ZBTB20: variants seen among roughly 807,000 people sequenced by gnomAD.
The protein encoded by ZBTB20 is zinc finger and BTB domain containing 20, also known as zinc finger and BTB domain-containing protein 20.
In ZBTB20, 9 loss-of-function variants were observed where a neutral mutation model predicts 56.9. That is an observed-to-expected ratio of 0.16 (90% CI 0.10 to 0.28). The LOEUF (loss-of-function observed/expected upper bound fraction) is 0.28, where lower values mean the gene tolerates loss of function less well. ZBTB20 is among the 10% of genes least tolerant of loss of function. The pLI is 1.00. For missense variants in ZBTB20, 655 were observed against 1,003.0 expected, an observed-to-expected ratio of 0.65 and a Z score of 4.69; for synonymous variants, 417 against 420.7, an observed-to-expected ratio of 0.99 and a Z score of 0.11.
intron 2 of ZBTB20, among the ~76,000 whole-genome samples, chr3:114,989,402 A>G (rs1236940268): frequency 1.3e-5 from 2 of 152,174 alleles, no homozygotes; most frequent in Admixed American, 6.5e-5. Flanking sequence ...GTCAAATATC[A>G]GATGGTTGTA....
chr3:114,970,370 G>A (rs1172449754), intron 3 of ZBTB20, among the ~76,000 whole-genome samples: 1 of 152,106 alleles, frequency 6.6e-6, no homozygotes, highest in African/African-American at 2.4e-5. Flanking sequence ...ATCACTAAAG[G>A]ATACAGAAAG....
chr3:114,787,334 TATATA>T (rs1352210292), intron 5 of ZBTB20, among the ~76,000 whole-genome samples: 6 of 1,868 alleles, frequency 3.2e-3, no homozygotes, highest in Non-Finnish European at 0.032. Context: ...TAAAAGGTTA[TATATA>T]TATATATATA....
At chr3:114,684,335 GA>G (rs1193614266) in intron 6 of ZBTB20, among the ~76,000 whole-genome samples, 1 of 152,106 alleles carries the variant, frequency 6.6e-6, no homozygotes, top group East Asian at 1.9e-4. Context: ...GGGGCCTATT[GA>G]AAATTTTTCT....
intron 7 of ZBTB20, among the ~76,000 whole-genome samples, chr3:114,475,169 G>A (rs914851587): frequency 7.9e-5 from 12 of 151,938 alleles, no homozygotes; most frequent in Admixed American, 7.9e-4. Context: ...TTTACCCTTT[G>A]ATTCTTCCAT....
At chr3:114,828,178 A>C (rs2073646904) in intron 4 of ZBTB20, among the ~76,000 whole-genome samples, 1 of 151,816 alleles carries the variant, frequency 6.6e-6, no homozygotes, top group African/African-American at 2.4e-5. Context: ...CAAATAGAAT[A>C]AATTTCAATT....
At chr3:114,522,827 T>C (rs948375600) in intron 6 of ZBTB20, among the ~76,000 whole-genome samples, 1 of 152,196 alleles carries the variant, frequency 6.6e-6, no homozygotes, top group Admixed American at 6.5e-5. Context: ...GCTATGTATT[T>C]GCTTGGTAAA....
At chr3:114,542,478 T>A (rs1306325250) in intron 6 of ZBTB20, among the ~76,000 whole-genome samples, 3 of 152,078 alleles carry the variant, frequency 2.0e-5, no homozygotes, top group African/African-American at 7.2e-5. Context: ...GGTAACCAAG[T>A]GAGTAAACAG....
intron 5 of ZBTB20, among the ~76,000 whole-genome samples, chr3:114,737,331 CCTCT>C (rs965488637): frequency 2.6e-5 from 4 of 151,898 alleles, no homozygotes; most frequent in African/African-American, 9.7e-5. Context: ...TATGGACCCA[CCTCT>C]CTATTTTCAA....
chr3:114,958,832 T>G (rs527782832), intron 3 of ZBTB20, among the ~76,000 whole-genome samples: 4 of 147,202 alleles, frequency 2.7e-5, no homozygotes, highest in African/African-American at 1.0e-4. Flanking sequence ...GCCTGGCCAA[T>G]AGAGTGAGAG....
chr3:114,783,619 C>A (rs1480400377), intron 5 of ZBTB20, among the ~76,000 whole-genome samples: 2 of 151,728 alleles, frequency 1.3e-5, no homozygotes, highest in African/African-American at 2.4e-5. Context: ...CATGGTGAAA[C>A]CCCGTATCTA....
intron 5 of ZBTB20, among the ~76,000 whole-genome samples, chr3:114,795,121 T>A (rs775033130): frequency 4.8e-4 from 73 of 150,872 alleles, no homozygotes; most frequent in Non-Finnish European, 9.5e-4. Context: ...AGAGATCTAC[T>A]CTGTTTATGC....
intron 3 of ZBTB20, among the ~76,000 whole-genome samples, chr3:114,933,678 C>T (rs931652066): frequency 1.3e-4 from 20 of 152,180 alleles, no homozygotes; most frequent in Non-Finnish European, 2.4e-4. Flanking sequence ...ACTCCTAGAA[C>T]TGCAACAGCT....
intron 10 of ZBTB20, among the ~76,000 whole-genome samples, chr3:114,374,097 G>A: frequency 6.6e-6 from 1 of 151,996 alleles, no homozygotes; most frequent in East Asian, 1.9e-4. Context: ...TCTAAATAAA[G>A]GGTATAAAAG....
chr3:114,439,032 T>C (rs1226196950), intron 7 of ZBTB20, among the ~76,000 whole-genome samples: 1 of 152,142 alleles, frequency 6.6e-6, no homozygotes, highest in African/African-American at 2.4e-5. Context: ...CAGAAAATCC[T>C]GGGGTCTGCC....
At chr3:114,901,077 T>C (rs2075099591) in intron 3 of ZBTB20, among the ~76,000 whole-genome samples, 1 of 152,102 alleles carries the variant, frequency 6.6e-6, no homozygotes, top group South Asian at 2.1e-4. Context: ...TATTGCAACA[T>C]ACAGCCTGGG....
chr3:114,877,422 T>C (rs1337039535), intron 4 of ZBTB20, among the ~76,000 whole-genome samples: 2 of 152,198 alleles, frequency 1.3e-5, no homozygotes, highest in African/African-American at 2.4e-5. Context: ...ATACACATCA[T>C]GGAGCCACTA....
At chr3:114,914,540 T>C (rs1278849859) in intron 3 of ZBTB20, among the ~76,000 whole-genome samples, 1 of 151,988 alleles carries the variant, frequency 6.6e-6, no homozygotes, top group African/African-American at 2.4e-5. Context: ...GCTTTCCAGT[T>C]TGGATGAGCA....
At chr3:114,657,122 T>C (rs1210337544) in intron 6 of ZBTB20, among the ~76,000 whole-genome samples, 1 of 152,230 alleles carries the variant, frequency 6.6e-6, no homozygotes, top group Admixed American at 6.5e-5. Flanking sequence ...TTGTGCATGA[T>C]ATTTATACAA....
intron 5 of ZBTB20, among the ~76,000 whole-genome samples, chr3:114,771,204 T>A (rs1389629184): frequency 6.6e-6 from 1 of 152,112 alleles, no homozygotes; most frequent in Non-Finnish European, 1.5e-5. Flanking sequence ...CAAACCTAAA[T>A]AAAAAATTAG....
Sources: allele counts gnomAD v4.1 joint callset (sites outside exome capture counted in the v4.1 genomes callset), GRCh38; gene constraint gnomAD v4.1.1; transcripts MANE v1.5; gene names NCBI Gene and HGNC (gene_info 2026-07-23, HGNC 2026-07-21).